Variants in ITGA7 observed in about 807,000 individuals in gnomAD.
ITGA7 encodes integrin alpha-7.
ITGA7 carries 84 observed loss-of-function variants against 131.6 expected under a neutral mutation model. The ratio of observed to expected loss-of-function variants is 0.64; its 90% CI spans 0.54 to 0.77. The LOEUF (loss-of-function observed/expected upper bound fraction) is 0.77. Ranked by LOEUF, ITGA7 falls within the 30% of genes least tolerant of loss-of-function variation. ITGA7 has a pLI of 0.00. For synonymous variants in ITGA7, 548 were observed against 600.7 expected, an observed-to-expected ratio of 0.91 and a Z score of 1.28; for missense variants, 1,399 against 1,482.9, an observed-to-expected ratio of 0.94 and a Z score of 0.93.
intron 1 of ITGA7, among the ~76,000 whole-genome samples, chr12:55,705,029 T>C (rs905704180): frequency 4.6e-5 from 7 of 152,184 alleles, no homozygotes; most frequent in African/African-American, 1.7e-4. Flanking sequence ...ACACATTTTG[T>C]GGACTCATAG....
At chr12:55,689,039 A>G in intron 21 of ITGA7, 82 bp from the exon 22 acceptor site, 1 of 1,043,490 alleles carries the variant, frequency 9.6e-7, no homozygotes, top group Non-Finnish European at 1.5e-6. Flanking sequence ...TCCTTACTTG[A>G]CCTCAAACTC....
chr12:55,686,155 C>A, intron 24 of ITGA7: 1 of 1,079,590 alleles, frequency 9.3e-7, no homozygotes, highest in Non-Finnish European at 1.3e-6. Flanking sequence ...TATTCACACA[C>A]ATACATACCC....
In ITGA7 at chr12:55,694,233, G is replaced by T; in HGVS notation, c.2432+23C>A. The T allele has an allele frequency of 1.2e-6, 2 of 1,613,520 alleles. No individual in the cohort carries two copies. Among genetic ancestry groups the T allele is most frequent in the Non-Finnish European group, 1.7e-6 (2 of 1,179,464 alleles). On this transcript the variant is annotated intron_variant, in intron 18 of 24. Transcript: ENST00000257879. This position sits in a 1 kb window ranked among gnomAD's most constrained non-coding sequence, Gnocchi z 5.3. ...TCAATGCCCCCTCCCTCCAATGGAG[G>T]TGCCCCCTTGGGCCAGGCTCACCCT...
At position 55,699,880 on chromosome 12, in the gene ITGA7, A is replaced by G. The variant is rs761176970; in HGVS notation, c.780T>C (p.Asn260=). ...LPGPAGDLAL[N]SYLGFSIDSG... The stretch of plus-strand genomic sequence containing the variant: ...TGGGAGCTTACAAACCTAAGTAGCT[A>G]TTGAGGGCCAAGTCTCCGGCTGGTC... Residue 260 remains asparagine, a synonymous_variant, in exon 5 of 25, where the codon AAT becomes AAC. Transcript: ENST00000257879. The G allele has an allele frequency of 2.0e-5, 32 of 1,608,174 alleles. No individual in the cohort carries two copies. Among genetic ancestry groups the G allele is most frequent in the Non-Finnish European group, 2.5e-5 (30 of 1,177,694 alleles).
At chr12:55,716,015 C>T (rs1204999295), upstream of ITGA7, 4 of 1,519,994 alleles carry the variant, frequency 2.6e-6, no homozygotes, top group South Asian at 1.2e-5. Context: ...CTCAAGAGGG[C>T]GGTTCCCAAC....
Position 55,684,910 on chromosome 12 carries a change from T to C in ITGA7, c.*148A>G, listed in dbSNP as rs996273734. 2.1e-5 allele frequency: 14 copies of C among 652,736 alleles called. No homozygotes were observed. Among genetic ancestry groups the C allele is most frequent in the African/African-American group, 3.7e-5 (2 of 54,794 alleles). The allele number at this position is 652,736 out of a possible 1,614,324, so 40.4% of individuals were successfully genotyped here. ...GGAAGTTGGGTGGGAGGAGTTCTTG[T>C]GGGTGGGAGAGGTCTGTGCCCCTGA... On this transcript the variant is annotated 3_prime_UTR_variant, in exon 25 of 25. Transcript: ENST00000257879.
chr12:55,694,228 T>G lies in ITGA7; in HGVS notation c.2432+28A>C, dbSNP rs1872109040. 6.2e-7 allele frequency: 1 copy of G among 1,613,112 alleles called. No individual in the cohort carries two copies. Among genetic ancestry groups the G allele is most frequent in the Non-Finnish European group, 8.5e-7 (1 of 1,179,196 alleles). Reference sequence around the variant, plus strand: ...AAATGTCAATGCCCCCTCCCTCCAATGGAGGTGCCCCCTTGGGCCAGGCTC... The same window carrying G: ...AAATGTCAATGCCCCCTCCCTCCAAGGGAGGTGCCCCCTTGGGCCAGGCTC... On this transcript the variant is annotated intron_variant, in intron 18 of 24. Coordinates refer to ENST00000257879, the MANE Select transcript of ITGA7 (RefSeq NM_002206.3). This position sits in a 1 kb window ranked among gnomAD's most constrained non-coding sequence, Gnocchi z 5.3.
chr12:55,694,165 C>A lies in ITGA7; in HGVS notation c.2433-42G>T, dbSNP rs1308989467. 1 of 1,611,084 alleles carries A rather than the reference C, an allele frequency of 6.2e-7. No homozygotes were observed. Among genetic ancestry groups the A allele is most frequent in the African/African-American group, 1.3e-5 (1 of 74,902 alleles). The stretch of plus-strand genomic sequence containing the variant: ...AGAACAGGGGTGAGAAGGTCTGGGG[C>A]CTGGCTCAATGAAGGCAGGGCCCTG... On this transcript the variant is annotated intron_variant, in intron 18 of 24. Coordinates refer to ENST00000257879, the MANE Select transcript of ITGA7 (RefSeq NM_002206.3). This position sits in a 1 kb window ranked among gnomAD's most constrained non-coding sequence, Gnocchi z 5.3.
chr12:55,692,332 G>A (rs1427440143), intron 21 of ITGA7, among the ~76,000 whole-genome samples: 3 of 85,066 alleles, frequency 3.5e-5, no homozygotes, highest in African/African-American at 1.7e-4. Context: ...AAGGAGAATC[G>A]CTTGAACCAG....
chr12:55,688,809 A>T (rs763111315), intron 22 of ITGA7, 35 bp downstream of exon 22: 1 of 1,506,892 alleles, frequency 6.6e-7, no homozygotes, highest in Non-Finnish European at 9.2e-7. Context: ...TTGGAGGAAG[A>T]AGAAACACAG....
At chr12:55,701,370 T>G in intron 3 of ITGA7, 1 of 1,552,506 alleles carries the variant, frequency 6.4e-7, no homozygotes, top group Non-Finnish European at 8.7e-7. Flanking sequence ...GCAACCTGTC[T>G]GCACCCACTT....
chr12:55,695,704 G>GTGA, intron 13 of ITGA7, 67 bp from the exon 14 acceptor site: 3 of 1,026,728 alleles, frequency 2.9e-6, no homozygotes, highest in East Asian at 2.4e-5. Context: ...TGTCACCATG[G>GTGA]CATATGGTGG....
Position 55,694,146 on chromosome 12 carries a change from G to A in ITGA7, c.2433-23C>T. The A allele has an allele frequency of 9.3e-6, 15 of 1,612,428 alleles. No individual in the cohort carries two copies. Among genetic ancestry groups the A allele is most frequent in the Non-Finnish European group, 1.3e-5 (15 of 1,178,372 alleles). ...ATTCTGGCGTGGAGAGGTCAGAACA[G>A]GGGTGAGAAGGTCTGGGGCCTGGCT... On this transcript the variant is annotated intron_variant, in intron 18 of 24. Transcript: ENST00000257879. The surrounding 1 kb of genome is among the most constrained non-coding windows in gnomAD (Gnocchi z 5.3).
chr12:55,695,748 C>G (rs1872512214), intron 13 of ITGA7, 111 bp from the exon 14 acceptor site: 3 of 759,462 alleles, frequency 4.0e-6, no homozygotes, highest in Non-Finnish European at 7.1e-6. Context: ...AACCTGTCCT[C>G]AACTCTCAGA....
intron 21 of ITGA7, among the ~76,000 whole-genome samples, chr12:55,689,924 G>C (rs1025316575): frequency 6.6e-6 from 1 of 152,230 alleles, no homozygotes; most frequent in Non-Finnish European, 1.5e-5. Flanking sequence ...GCCATATGTA[G>C]AAAGCTGAAA....
intron 3 of ITGA7, 78 bp downstream of exon 3, chr12:55,702,794 C>G: frequency 8.2e-7 from 1 of 1,217,790 alleles, no homozygotes; most frequent in Non-Finnish European, 1.2e-6. Context: ...CTAAGCACAC[C>G]TATGCGTATG....
Position 55,694,002 on chromosome 12 carries a change from C to A in ITGA7, c.2535+19G>T, listed in dbSNP as rs1565619841. On this transcript the variant is annotated intron_variant, in intron 19 of 24. Transcript: ENST00000257879. The surrounding 1 kb of genome is among the most constrained non-coding windows in gnomAD (Gnocchi z 5.3). ...AGGAGGGAGGGTGACCATGGAGGGG[C>A]CTCATCCCTGACACTTACCGTGACC... The A allele has an allele frequency of 1.3e-6, 2 of 1,591,284 alleles. No homozygotes were observed. The highest frequency in any genetic ancestry group is 8.6e-7 in the Non-Finnish European group (1 of 1,161,744).
At chr12:55,702,566 C>T (rs1261432980) in intron 3 of ITGA7, among the ~76,000 whole-genome samples, 3 of 152,136 alleles carry the variant, frequency 2.0e-5, no homozygotes, top group Non-Finnish European at 2.9e-5. Flanking sequence ...CCACCTGCCT[C>T]GGCCTCCGAA....
At position 55,696,414 on chromosome 12, in the gene ITGA7, G is replaced by C. The variant is rs1378710493; in HGVS notation, c.1756C>G (p.Leu586Val). 6.2e-7 allele frequency: 1 copy of C among 1,600,744 alleles called. No individual in the cohort carries two copies. Among genetic ancestry groups the C allele is most frequent in the East Asian group, 2.2e-5 (1 of 44,686 alleles). The change falls in exon 13 of 25, where the codon CTT becomes GTT. Residue 586 changes from leucine to valine, a missense_variant. Leu to Val is a conservative substitution (Grantham distance 32). Transcript: ENST00000257879. ...GACAAGGTCACTACAATGGCCCGAAGCTTGTCTTTGACATTTTCCTAGGAA... is the reference window on the plus strand; with the variant it reads ...GACAAGGTCACTACAATGGCCCGAACCTTGTCTTTGACATTTTCCTAGGAA... ...FQLQENVKDK[L>V]RAIVVTLSYS...
Sources: gnomAD v4.1 joint callset for allele counts (sites outside exome capture counted in the v4.1 genomes callset) on GRCh38, gnomAD v4.1.1 for gene constraint, Gnocchi (gnomAD v3.1) non-coding constraint, MANE v1.5 for transcripts, NCBI Gene and HGNC (gene_info 2026-07-23, HGNC 2026-07-21) for gene names.